DHX37: variants seen among roughly 807,000 people sequenced by gnomAD.
DHX37 encodes the protein probable ATP-dependent RNA helicase DHX37.
DHX37 carries 52 observed loss-of-function variants against 134.3 expected under a neutral mutation model. That is an observed-to-expected ratio of 0.39 (90% CI 0.31 to 0.49). The LOEUF is 0.49. DHX37 is among the 20% of genes least tolerant of loss of function. The pLI, the probability that DHX37 is intolerant of heterozygous loss-of-function variation, is 0.93. For synonymous variants in DHX37, 634 were observed against 670.7 expected, an observed-to-expected ratio of 0.95 and a Z score of 0.85; for missense variants, 1,344 against 1,580.8, an observed-to-expected ratio of 0.85 and a Z score of 2.54.
chr12:124,951,936 T>C (rs10744186), intron 21 of DHX37, among the ~76,000 whole-genome samples: 87,898 of 151,940 alleles, frequency 0.58, 26,251 homozygotes, highest in East Asian at 0.84. Flanking sequence ...CGCACCACTA[T>C]ACTCTAATCT....
chr12:124,975,157 C>T (rs547718514), intron 6 of DHX37, among the ~76,000 whole-genome samples: 1 of 152,312 alleles, frequency 6.6e-6, no homozygotes, highest in Non-Finnish European at 1.5e-5. Context: ...TGCATCTGGC[C>T]CCCTGCTCTG....
At chr12:124,961,228 G>A (rs546768053) in intron 15 of DHX37, among the ~76,000 whole-genome samples, 1,553 of 102,604 alleles carry the variant, frequency 0.015, 11 homozygotes, top group Non-Finnish European at 0.019. Context: ...GCACACGCAC[G>A]CACACACACA....
intron 7 of DHX37, among the ~76,000 whole-genome samples, 186 bp from the exon 8 acceptor site, chr12:124,971,601 G>A (rs1273606899): frequency 6.6e-6 from 1 of 152,176 alleles, no homozygotes; most frequent in East Asian, 1.9e-4. Flanking sequence ...ATGAGATGTG[G>A]GGTGGGGCCG....
In DHX37 at chr12:124,952,539, G is replaced by A. The variant is rs757588489; in HGVS notation, c.2727C>T (p.Phe909=). ...TGGGCGGCTGCATCTTGGGATCCAC[G>A]AAGAGCTCAGCCTCGGGGCACACGG... ...VNAVCPEAEL[F]VDPKMQPPTE... is the part of the protein sequence containing the mutation. Residue 909 remains phenylalanine (F), a synonymous_variant, in exon 21 of 27, where the codon TTC becomes TTT. Coordinates refer to ENST00000308736, the MANE Select transcript of DHX37 (RefSeq NM_032656.4). The A allele has an allele frequency of 1.4e-5, 23 of 1,600,652 alleles. No individual in the cohort carries two copies. The South Asian group carries it at 2.1e-4, about 15-fold the overall frequency.
intron 1 of DHX37, among the ~76,000 whole-genome samples, chr12:124,987,389 G>A (rs928849577): frequency 2.0e-5 from 3 of 152,162 alleles, no homozygotes; most frequent in Non-Finnish European, 2.9e-5. Flanking sequence ...ATGTTCTTAT[G>A]AGATTCCTCT....
Position 124,950,052 on chromosome 12 carries a change from C to A in DHX37, c.3224G>T (p.Arg1075Leu), listed in dbSNP as rs201427040. ...ACAGCTCCGGTATGAGGCCAGCTTG[C>A]GGAAGACCTGATGAGAGACCACAGG... ...ARFLLEGQVF[R>L]KLASYRSCLL... Residue 1075 changes from arginine (R) to leucine (L), a missense_variant, in exon 25 of 27, where the codon CGC becomes CTC. Around this residue, in one of 7 missense-constraint regions of DHX37, gnomAD observed 558 missense variants for 650.0 expected, o/e 0.86. Transcript: ENST00000308736. 1 of 1,613,436 alleles carries A rather than the reference C, an allele frequency of 6.2e-7. No individual in the cohort carries two copies. The highest frequency in any genetic ancestry group is 1.7e-5 in the Admixed American group (1 of 59,950).
intron 19 of DHX37, 43 bp downstream of exon 19, chr12:124,954,044 C>G: frequency 6.2e-7 from 1 of 1,609,442 alleles, no homozygotes; most frequent in Non-Finnish European, 8.5e-7. Flanking sequence ...CATCCCAGAC[C>G]TGGGTGACCC....
intron 15 of DHX37, among the ~76,000 whole-genome samples, chr12:124,961,223 C>CTGACATACACGCGT (rs1491479052): frequency 1.7e-5 from 2 of 114,286 alleles, no homozygotes; most frequent in African/African-American, 9.3e-5. Flanking sequence ...CGCACGCACA[C>CTGACATACACGCGT]GCACGCACAC....
At chr12:124,960,986 A>G (rs1048093787) in intron 15 of DHX37, among the ~76,000 whole-genome samples, 28 of 152,236 alleles carry the variant, frequency 1.8e-4, no homozygotes, top group African/African-American at 6.5e-4. Flanking sequence ...TTCCATGTAG[A>G]GTACTTAAAA....
At chr12:124,983,432 C>T (rs951814597) in intron 2 of DHX37, among the ~76,000 whole-genome samples, 1 of 151,720 alleles carries the variant, frequency 6.6e-6, no homozygotes, top group Non-Finnish European at 1.5e-5. Context: ...CACACACACA[C>T]ACACACACAC....
In DHX37 at chr12:124,950,285, T is replaced by C. The variant is rs756352384; in HGVS notation, c.3122-42A>G. 1.9e-6 allele frequency: 3 copies of C among 1,610,666 alleles called. No homozygotes were observed. In the African/African-American group the frequency reaches 4.0e-5, roughly 22 times the overall value. ...AGTGAGACAGGGACCCTCCTGCAGC[T>C]GCCCTCCCGAGTCCCATCCCTGCCC... On this transcript the variant is annotated intron_variant, in intron 23 of 26. Transcript: ENST00000308736.
At position 124,954,353 on chromosome 12, in the gene DHX37, G is replaced by A; in HGVS notation, c.2454-142C>T. ...AATGTAATTAAGGTATTAAGGTCCA[G>A]CTCAAAATTCACCATTGGCAGCCAC... On this transcript the variant is annotated intron_variant, in intron 18 of 26. Coordinates refer to ENST00000308736, the MANE Select transcript of DHX37 (RefSeq NM_032656.4). 1.1e-5 allele frequency: 14 copies of A among 1,301,306 alleles called. No homozygotes were observed. In the South Asian group the frequency reaches 2.5e-4, roughly 23 times the overall value. 80.6% of individuals were successfully genotyped at this position (1,301,306 alleles called of 1,614,324 possible). A position where few individuals can be genotyped will look rare whatever the true frequency, so the allele number is the denominator to read the frequency against.
chr12:124,972,419 G>A (rs920547800), intron 7 of DHX37, 84 bp downstream of exon 7: 53 of 1,447,376 alleles, frequency 3.7e-5, no homozygotes, highest in Non-Finnish European at 4.6e-5. Context: ...GTGGCTTGCC[G>A]GCTGCTCATA....
intron 18 of DHX37, 62 bp from the exon 19 acceptor site, chr12:124,954,273 G>C: frequency 6.6e-7 from 1 of 1,513,170 alleles, no homozygotes; most frequent in East Asian, 2.3e-5. Context: ...GCCTCAGCGG[G>C]GGGAACTCCT....
intron 6 of DHX37, 68 bp downstream of exon 6, chr12:124,975,351 G>A: frequency 6.6e-7 from 1 of 1,524,338 alleles, no homozygotes; most frequent in Non-Finnish European, 9.0e-7. Context: ...CCTCCTCCTG[G>A]GCTTCCCACA....
chr12:124,973,913 G>T (rs1465768139), intron 6 of DHX37, among the ~76,000 whole-genome samples: 1 of 151,266 alleles, frequency 6.6e-6, no homozygotes, highest in African/African-American at 2.4e-5. Context: ...AAAGTCCTGG[G>T]ATTACAGGCG....
rs751471128 is a variant in DHX37 at position 124,986,090 on chromosome 12, G to C, written c.276+6C>G. The C allele has an allele frequency of 6.2e-7, 1 of 1,613,416 alleles. No individual in the cohort carries two copies. Among genetic ancestry groups the C allele is most frequent in the African/African-American group, 1.3e-5 (1 of 74,822 alleles). On this transcript the variant is annotated splice_donor_region_variant and intron_variant, in intron 2 of 26. Transcript: ENST00000308736. ...CACTTGCAGACCCTGCCCGAGTGGG[G>C]TGTACCTGGCTCTTTTTCTCCTTCT...
Position 124,976,763 on chromosome 12 carries a change from C to G in DHX37, c.887+579G>C, listed in dbSNP as rs1166188557. ...GAGAATGGCGTGAACCCGGGAGGCGCAGCTTGCAGTGAGCCGAGATCGCGC... is the reference window on the plus strand; with the variant it reads ...GAGAATGGCGTGAACCCGGGAGGCGGAGCTTGCAGTGAGCCGAGATCGCGC... On this transcript the variant is annotated intron_variant, in intron 5 of 26. Coordinates refer to ENST00000308736, the MANE Select transcript of DHX37 (RefSeq NM_032656.4). 8.7e-3 allele frequency among the ~76,000 whole-genome samples: 1,216 copies of G among 139,674 alleles called. 19 individuals carry two copies. The highest frequency in any genetic ancestry group is 0.012 in the Middle Eastern group (3 of 250). 91.6% of individuals were successfully genotyped at this position (139,674 alleles called of 152,430 possible). A position where few individuals can be genotyped will look rare whatever the true frequency, so the allele number is the denominator to read the frequency against.
chr12:124,975,810 C>T (rs1954626806), intron 5 of DHX37, among the ~76,000 whole-genome samples: 1 of 152,192 alleles, frequency 6.6e-6, no homozygotes, highest in Non-Finnish European at 1.5e-5. Flanking sequence ...CTCCTCCAGA[C>T]ACAGGAACCC....
Sources: allele counts gnomAD v4.1 joint callset (sites outside exome capture counted in the v4.1 genomes callset), GRCh38; gene constraint gnomAD v4.1.1; regional missense constraint gnomAD v4.1.1; transcripts MANE v1.5; gene names NCBI Gene and HGNC (gene_info 2026-07-23, HGNC 2026-07-21).